Variants in SCAPER observed in about 807,000 individuals in gnomAD.
SCAPER encodes the protein S-phase cyclin A associated protein in the ER, also known as S phase cyclin A-associated protein in the endoplasmic reticulum.
SCAPER carries 98 observed loss-of-function variants against 182.2 expected under a neutral mutation model. That is an observed-to-expected ratio of 0.54 (90% CI 0.46 to 0.64). The LOEUF (loss-of-function observed/expected upper bound fraction) is 0.64. SCAPER is among the 30% of genes least tolerant of loss of function. The pLI, the probability that SCAPER is intolerant of heterozygous loss-of-function variation, is 0.00. For missense variants in SCAPER, 1,432 were observed against 1,690.0 expected (o/e 0.85, Z 2.68); for synonymous variants, 605 against 564.6 (o/e 1.07, Z -1.01).
chr15:76,611,542 A>C (rs568241883), intron 22 of SCAPER, among the ~76,000 whole-genome samples: 1 of 152,302 alleles, frequency 6.6e-6, no homozygotes, highest in Admixed American at 6.5e-5. Flanking sequence ...TATTGCAAAA[A>C]ATTGAGGAGG....
intron 2 of SCAPER, among the ~76,000 whole-genome samples, chr15:76,870,657 GAATT>G (rs1373528336): frequency 2.0e-5 from 3 of 151,816 alleles, no homozygotes; most frequent in African/African-American, 4.8e-5. Context: ...AGAAATTAGT[GAATT>G]AGTTAGACTA....
intron 25 of SCAPER, among the ~76,000 whole-genome samples, chr15:76,452,618 T>C (rs2048447521): frequency 2.0e-5 from 3 of 152,238 alleles, no homozygotes; most frequent in Admixed American, 2.0e-4. Flanking sequence ...GGAAGACATT[T>C]TAAGTTGAAC....
At chr15:76,356,940 C>G (rs772465514) in intron 29 of SCAPER, among the ~76,000 whole-genome samples, 1 of 152,094 alleles carries the variant, frequency 6.6e-6, no homozygotes, top group Non-Finnish European at 1.5e-5. Flanking sequence ...CTGAGGAAAT[C>G]AACGGAATTT....
At chr15:76,639,033 G>A (rs78771147) in intron 21 of SCAPER, among the ~76,000 whole-genome samples, 51 of 152,262 alleles carry the variant, frequency 3.3e-4, no homozygotes, top group African/African-American at 1.2e-3. Context: ...GAAAATGCCT[G>A]TCTTGTTTTT....
chr15:76,756,025 T>G (rs1385246828), intron 14 of SCAPER, among the ~76,000 whole-genome samples: 1 of 151,952 alleles, frequency 6.6e-6, no homozygotes, highest in Non-Finnish European at 1.5e-5. Context: ...GGCAGATAAC[T>G]TCAGGTCCGG....
chr15:76,507,115 T>C (rs919616024), intron 23 of SCAPER, among the ~76,000 whole-genome samples: 3 of 152,146 alleles, frequency 2.0e-5, no homozygotes, highest in African/African-American at 7.2e-5. Flanking sequence ...TTTCAGAATA[T>C]AACTGTATTT....
At chr15:76,378,662 G>T (rs370756314) in intron 28 of SCAPER, among the ~76,000 whole-genome samples, 1 of 152,162 alleles carries the variant, frequency 6.6e-6, no homozygotes, top group African/African-American at 2.4e-5. Flanking sequence ...GCTTATGACT[G>T]ATTCAACCAA....
intron 1 of SCAPER, among the ~76,000 whole-genome samples, chr15:76,900,232 A>AC (rs1191338598): frequency 6.6e-6 from 1 of 151,456 alleles, no homozygotes; most frequent in Non-Finnish European, 1.5e-5. Flanking sequence ...GCCTAGGAAA[A>AC]CCAGAGACCT....
intron 21 of SCAPER, among the ~76,000 whole-genome samples, chr15:76,648,620 G>A (rs1393798951): frequency 6.6e-6 from 1 of 152,216 alleles, no homozygotes; most frequent in Non-Finnish European, 1.5e-5. Context: ...AGAGGAGCTA[G>A]AAAGAAATTA....
At chr15:76,705,525 G>A (rs1567858422) in intron 18 of SCAPER, among the ~76,000 whole-genome samples, 1 of 150,342 alleles carries the variant, frequency 6.7e-6, no homozygotes, top group Non-Finnish European at 1.5e-5. Flanking sequence ...TTGTGCACAT[G>A]TACCCTAAAA....
chr15:76,616,207 T>C (rs1185683845), intron 22 of SCAPER, among the ~76,000 whole-genome samples: 1 of 152,206 alleles, frequency 6.6e-6, no homozygotes, highest in African/African-American at 2.4e-5. Context: ...TATTCATAAT[T>C]GCTAAACAGT....
chr15:76,423,925 C>A (rs560156450), intron 26 of SCAPER, among the ~76,000 whole-genome samples: 2 of 152,092 alleles, frequency 1.3e-5, no homozygotes, highest in Non-Finnish European at 2.9e-5. Context: ...TGTAGTTGAG[C>A]GGTTTTGAGT....
At chr15:76,895,539 T>C (rs1265352696) in intron 1 of SCAPER, among the ~76,000 whole-genome samples, 2 of 146,658 alleles carry the variant, frequency 1.4e-5, no homozygotes, top group Non-Finnish European at 3.0e-5. Flanking sequence ...AGAAAAAAAA[T>C]AAAAGTACTC....
intron 14 of SCAPER, among the ~76,000 whole-genome samples, chr15:76,760,437 T>C (rs2062707278): frequency 6.6e-6 from 1 of 152,222 alleles, no homozygotes; most frequent in South Asian, 2.1e-4. Context: ...GACACGAAAC[T>C]TACATGCCCT....
intron 28 of SCAPER, among the ~76,000 whole-genome samples, chr15:76,378,423 T>C (rs191811042): frequency 2.2e-4 from 34 of 152,326 alleles, no homozygotes; most frequent in Admixed American, 2.2e-3. Flanking sequence ...ACTTTTGACA[T>C]GTAAGTTGTT....
chr15:76,858,810 T>G (rs2071624982), intron 3 of SCAPER, among the ~76,000 whole-genome samples: 1 of 134,674 alleles, frequency 7.4e-6, no homozygotes, highest in Admixed American at 7.4e-5. Context: ...TTTCATTCTT[T>G]TTATGGCTAC....
chr15:76,406,447 C>T (rs913563850), intron 26 of SCAPER, among the ~76,000 whole-genome samples: 3 of 151,964 alleles, frequency 2.0e-5, no homozygotes, highest in African/African-American at 7.3e-5. Context: ...CATTGTACTC[C>T]AGCCTGGGCA....
intron 25 of SCAPER, among the ~76,000 whole-genome samples, chr15:76,450,098 T>C (rs980702449): frequency 4.6e-5 from 7 of 152,258 alleles, no homozygotes; most frequent in African/African-American, 1.4e-4. Flanking sequence ...GGCCTGTGGA[T>C]CTGAATCTGC....
chr15:76,719,379 G>A (rs528378623), intron 17 of SCAPER, among the ~76,000 whole-genome samples: 1 of 152,178 alleles, frequency 6.6e-6, no homozygotes, highest in South Asian at 2.1e-4. Flanking sequence ...TAGTTATCAC[G>A]GGTGTGCATA....
Sources: allele counts gnomAD v4.1 joint callset (sites outside exome capture counted in the v4.1 genomes callset), GRCh38; gene constraint gnomAD v4.1.1; transcripts MANE v1.5; gene names NCBI Gene and HGNC (gene_info 2026-07-23, HGNC 2026-07-21).